The following BLTP3B variants were observed in gnomAD, a reference collection of about 807,000 sequenced individuals.
BLTP3B encodes UHRF1 (ICBP90) binding protein 1-like.
chr12:100,039,390 A>T, the BLTP3B span, among the ~76,000 whole-genome samples: 1 of 152,226 alleles, frequency 6.6e-6, no homozygotes, highest in Middle Eastern at 3.2e-3. Context: ...AAATACTGAG[A>T]TAGCACTGGA....
the BLTP3B span, among the ~76,000 whole-genome samples, chr12:100,075,309 T>G: frequency 6.6e-6 from 1 of 151,826 alleles, no homozygotes; most frequent in Admixed American, 6.6e-5. Flanking sequence ...CACGCCCGGC[T>G]ACACCTTCTA....
At chr12:100,133,625 G>A in the BLTP3B span, among the ~76,000 whole-genome samples, 1 of 152,208 alleles carries the variant, frequency 6.6e-6, no homozygotes, top group Non-Finnish European at 1.5e-5. Flanking sequence ...CCTTGGACAA[G>A]TCACAAATGT....
At chr12:100,067,347 G>T in the BLTP3B span, among the ~76,000 whole-genome samples, 45 of 151,954 alleles carry the variant, frequency 3.0e-4, no homozygotes, top group African/African-American at 1.1e-3. Flanking sequence ...TATCAGAGAA[G>T]AACTAAATGA....
the BLTP3B span, among the ~76,000 whole-genome samples, chr12:100,093,141 C>T: frequency 6.6e-6 from 1 of 152,210 alleles, no homozygotes; most frequent in Admixed American, 6.5e-5. Context: ...TCCAGGAAAA[C>T]TATTCTATGT....
At chr12:100,059,744 A>T in the BLTP3B span, 4 of 1,275,528 alleles carry the variant, frequency 3.1e-6, no homozygotes, top group Non-Finnish European at 3.2e-6. Context: ...GAATCTTTTT[A>T]AAAAACATAA....
the BLTP3B span, among the ~76,000 whole-genome samples, chr12:100,112,072 T>C: frequency 6.6e-6 from 1 of 152,176 alleles, no homozygotes; most frequent in Admixed American, 6.5e-5. Flanking sequence ...TATACTTCTC[T>C]GTATAAGTAT....
the BLTP3B span, among the ~76,000 whole-genome samples, chr12:100,101,160 G>A: frequency 1.3e-5 from 2 of 152,188 alleles, no homozygotes; most frequent in Non-Finnish European, 2.9e-5. Flanking sequence ...GTTGCAGGAT[G>A]ATGCTACATT....
chr12:100,095,581 CTT>C, the BLTP3B span: 1 of 1,486,656 alleles, frequency 6.7e-7, no homozygotes, highest in African/African-American at 1.4e-5. Flanking sequence ...CAATCTGTCT[CTT>C]AAAGAAAATA....
the BLTP3B span, among the ~76,000 whole-genome samples, chr12:100,124,936 T>TTTTATA: frequency 3.5e-5 from 2 of 56,542 alleles, no homozygotes; most frequent in Non-Finnish European, 6.5e-5. Flanking sequence ...AAAAAAAATT[T>TTTTATA]TATATATATA....
the BLTP3B span, chr12:100,128,488 A>T: frequency 2.0e-6 from 2 of 997,150 alleles, no homozygotes; most frequent in Non-Finnish European, 2.5e-6. Context: ...ACAGTAAGAA[A>T]ATATTCTCAA....
the BLTP3B span, among the ~76,000 whole-genome samples, chr12:100,130,921 AATACATACATACATAC>A: frequency 1.6e-5 from 2 of 127,682 alleles, no homozygotes; most frequent in Non-Finnish European, 1.7e-5. Context: ...ATCTCAAAAA[AATACATACATACATAC>A]ATACATACAT....
At chr12:100,092,620 T>C in the BLTP3B span, 1 of 152,410 alleles carries the variant, frequency 6.6e-6, no homozygotes, top group Non-Finnish European at 1.5e-5. Context: ...AATTTTGTCC[T>C]TGTTACTAGT....
the BLTP3B span, among the ~76,000 whole-genome samples, chr12:100,044,636 A>G: frequency 6.6e-6 from 1 of 152,236 alleles, no homozygotes; most frequent in African/African-American, 2.4e-5. Context: ...TAACGTACAG[A>G]AAAGTGCCAA....
chr12:100,076,918 TTTTG>T, the BLTP3B span, among the ~76,000 whole-genome samples: 4 of 152,210 alleles, frequency 2.6e-5, no homozygotes, highest in African/African-American at 9.6e-5. Flanking sequence ...TTCTACTTAC[TTTTG>T]TTTATTTTGT....
chr12:100,075,495 T>C, the BLTP3B span, among the ~76,000 whole-genome samples: 3 of 152,114 alleles, frequency 2.0e-5, no homozygotes, highest in Non-Finnish European at 4.4e-5. Context: ...AAGTGAGACC[T>C]CATTGGAGAG....
chr12:100,113,505 T>G, the BLTP3B span, among the ~76,000 whole-genome samples: 5 of 152,290 alleles, frequency 3.3e-5, no homozygotes, highest in East Asian at 9.6e-4. Flanking sequence ...TGCTATCTAC[T>G]GCTTACTATT....
the BLTP3B span, chr12:100,051,056 A>T: frequency 6.2e-7 from 1 of 1,610,104 alleles, no homozygotes; most frequent in Admixed American, 1.7e-5. Flanking sequence ...ATCTTCATAG[A>T]ATCTCTCTGA....
the BLTP3B span, among the ~76,000 whole-genome samples, chr12:100,066,595 C>A: frequency 1.8e-3 from 267 of 151,556 alleles, 1 homozygote; most frequent in African/African-American, 5.7e-3. Context: ...AGATTGAGAC[C>A]ATCCTGGCTA....
At chr12:100,135,121 C>T in the BLTP3B span, among the ~76,000 whole-genome samples, 2 of 152,100 alleles carry the variant, frequency 1.3e-5, no homozygotes, top group African/African-American at 4.8e-5. Context: ...TCTCTTTGAT[C>T]GCATCTTCCT....
Sources: gnomAD v4.1 joint callset for allele counts (sites outside exome capture counted in the v4.1 genomes callset) on GRCh38, gnomAD v4.1.1 for gene constraint, MANE v1.5 for transcripts, NCBI Gene and HGNC (gene_info 2026-07-23, HGNC 2026-07-21) for gene names.